Variants in CASK observed in about 807,000 individuals in gnomAD.
CASK encodes calcium/calmodulin dependent serine protein kinase.
In CASK, 4 loss-of-function variants were observed where a neutral mutation model predicts 82.9. That is an observed-to-expected ratio of 0.05 (90% CI 0.02 to 0.11). The LOEUF (loss-of-function observed/expected upper bound fraction) is 0.11. Among genes scored for constraint, CASK ranks in the 10% least tolerant of loss-of-function variants. CASK has a pLI of 1.00. For synonymous variants in CASK, 259 were observed against 253.5 expected, an observed-to-expected ratio of 1.02 and a Z score of -0.20; for missense variants, 358 against 720.9, an observed-to-expected ratio of 0.50 and a Z score of 5.76.
chrX:41,544,553 G>A (rs5964009), intron 21 of CASK, among the ~76,000 whole-genome samples: 10,885 of 93,281 alleles, frequency 0.12, 655 homozygotes, highest in Middle Eastern at 0.16. Flanking sequence ...GCAACCGAGC[G>A]AGACCTTGTC....
At chrX:41,748,561 G>A in intron 3 of CASK, 1 of 222,016 alleles carries the variant, frequency 4.5e-6, no homozygotes, top group African/African-American at 2.9e-5. Flanking sequence ...CCATGAAGAA[G>A]CAAGATGAAA....
At chrX:41,751,960 C>A (rs185305177) in intron 3 of CASK, among the ~76,000 whole-genome samples, 6 of 107,927 alleles carry the variant, frequency 5.6e-5, no homozygotes, top group African/African-American at 2.0e-4. Context: ...GTGGGAGGAT[C>A]GCTTGAGCCC....
intron 2 of CASK, among the ~76,000 whole-genome samples, chrX:41,850,145 C>T (rs1200091933): frequency 8.9e-6 from 1 of 111,990 alleles, no homozygotes; most frequent in Middle Eastern, 4.2e-3. Context: ...TGCACCACTG[C>T]ACTCTGGCCT....
intron 24 of CASK, among the ~76,000 whole-genome samples, chrX:41,533,046 T>C (rs1343866473): frequency 9.0e-6 from 1 of 111,602 alleles, no homozygotes; most frequent in Non-Finnish European, 1.9e-5. Context: ...CCTGGTCTCA[T>C]GTGATCCACC....
chrX:41,643,706 A>C (rs1364042225), intron 8 of CASK, among the ~76,000 whole-genome samples: 1 of 112,018 alleles, frequency 8.9e-6, no homozygotes, highest in African/African-American at 3.2e-5. Flanking sequence ...ATATACAATC[A>C]TGTCATCTGC....
intron 8 of CASK, among the ~76,000 whole-genome samples, chrX:41,658,952 G>A (rs1188759291): frequency 9.0e-6 from 1 of 111,632 alleles, no homozygotes; most frequent in Non-Finnish European, 1.9e-5. Context: ...TTCAGGAGTT[G>A]CTGTCAAGGG....
intron 5 of CASK, among the ~76,000 whole-genome samples, chrX:41,685,463 T>C (rs1316126259): frequency 8.9e-6 from 1 of 111,966 alleles, no homozygotes; most frequent in African/African-American, 3.2e-5. Context: ...CTAGAGCTTT[T>C]TTGTGGAGGT....
intron 9 of CASK, among the ~76,000 whole-genome samples, chrX:41,631,678 T>C (rs1305402122): frequency 9.1e-6 from 1 of 109,559 alleles, no homozygotes; most frequent in Admixed American, 9.8e-5. Flanking sequence ...TCCATGTTGG[T>C]CAGGCTGGTC....
intron 2 of CASK, among the ~76,000 whole-genome samples, chrX:41,838,038 A>G (rs1460053235): frequency 9.0e-6 from 1 of 111,615 alleles, no homozygotes; most frequent in Non-Finnish European, 1.9e-5. Context: ...TTTTTTTAAG[A>G]GACAGGGTCT....
chrX:41,608,694 T>G (rs766064826), intron 12 of CASK, among the ~76,000 whole-genome samples: 4 of 112,632 alleles, frequency 3.6e-5, no homozygotes, highest in Non-Finnish European at 7.5e-5. Context: ...TTTTCCTTTG[T>G]ATCCCAGTCT....
chrX:41,646,523 G>C (rs893000023), intron 8 of CASK, among the ~76,000 whole-genome samples: 2 of 110,895 alleles, frequency 1.8e-5, no homozygotes, highest in African/African-American at 6.5e-5. Context: ...CCCAGGCCTC[G>C]TATGATACTC....
chrX:41,739,720 A>T (rs1031888134), intron 4 of CASK, among the ~76,000 whole-genome samples: 4 of 112,288 alleles, frequency 3.6e-5, no homozygotes, highest in African/African-American at 1.3e-4. Context: ...TCATAAGTAA[A>T]TTTGCTTTGC....
intron 3 of CASK, among the ~76,000 whole-genome samples, chrX:41,764,331 C>T (rs2069067677): frequency 9.1e-6 from 1 of 110,208 alleles, no homozygotes; most frequent in Non-Finnish European, 1.9e-5. Context: ...TTTGGAAGAA[C>T]CTCAGTCCTC....
intron 2 of CASK, among the ~76,000 whole-genome samples, chrX:41,796,358 T>C (rs1462954233): frequency 1.8e-5 from 2 of 112,734 alleles, no homozygotes; most frequent in Non-Finnish European, 3.8e-5. Context: ...TGTTTTCTTT[T>C]CCTTTCATCA....
chrX:41,868,855 T>C, intron 1 of CASK, among the ~76,000 whole-genome samples: 1 of 111,455 alleles, frequency 9.0e-6, no homozygotes, highest in Admixed American at 9.5e-5. Context: ...GTACAAGTAC[T>C]TCTTCATTAC....
rs765419973 is a variant in CASK at position 41,856,987 on chromosome X, G to T, written c.60-3760C>A. ...GATCTTTACCCTTAAGGCAGGAGAT[G>T]AAAGACTTTTCTATTGAATATCTGA... On this transcript the variant is annotated intron_variant, in intron 1 of 26. Transcript: ENST00000378163. 2.7e-5 allele frequency among the ~76,000 whole-genome samples: 3 copies of T among 110,294 alleles called. No homozygotes were observed. In the East Asian group the frequency reaches 8.6e-4, roughly 31 times the overall value.
chrX:41,574,341 T>C lies in CASK; in HGVS notation c.1503+3999A>G, dbSNP rs190229030. Among the ~76,000 whole-genome samples, 428 of 111,535 alleles carry C rather than the reference T, an allele frequency of 3.8e-3. 1 individual carries two copies. Among genetic ancestry groups the C allele is most frequent in the African/African-American group, 0.012 (377 of 30,682 alleles). On this transcript the variant is annotated intron_variant, in intron 15 of 26. Coordinates refer to ENST00000378163, the MANE Select transcript of CASK (RefSeq NM_001367721.1). ...TGGGGCATTCATATGGGTCACCTTG[T>C]TTCCTGTCTCACAAGAGATCACTGT...
chrX:41,739,157 T>C (rs2068553746), intron 5 of CASK, among the ~76,000 whole-genome samples: 1 of 112,068 alleles, frequency 8.9e-6, no homozygotes, highest in Admixed American at 9.5e-5. Flanking sequence ...AATAATACAA[T>C]TTTAGATTGC....
intron 3 of CASK, among the ~76,000 whole-genome samples, chrX:41,748,901 T>C (rs1266623481): frequency 8.9e-6 from 1 of 112,101 alleles, no homozygotes; most frequent in Non-Finnish European, 1.9e-5. Context: ...GAAATGACAA[T>C]CTCTACACAT....
Sources: allele counts gnomAD v4.1 joint callset (sites outside exome capture counted in the v4.1 genomes callset), GRCh38; gene constraint gnomAD v4.1.1; transcripts MANE v1.5; gene names NCBI Gene and HGNC (gene_info 2026-07-23, HGNC 2026-07-21).